CEP63: variants seen among roughly 807,000 people sequenced by gnomAD.
CEP63 encodes centrosomal protein of 63 kDa.
A neutral mutation model predicts 89.1 loss-of-function variants in CEP63; 84 were observed. The observed-to-expected ratio is 0.94, with a 90% CI of 0.79 to 1.13. The LOEUF is 1.13. Among genes scored for constraint, CEP63 ranks in the 50% most tolerant of loss-of-function variants. The pLI is 0.00. For missense variants in CEP63, 838 were observed against 813.3 expected (o/e 1.03, Z -0.37); for synonymous variants, 267 against 272.5 (o/e 0.98, Z 0.20).
chr3:134,739,541 C>T, the CEP63 span, among the ~76,000 whole-genome samples: 7 of 152,230 alleles, frequency 4.6e-5, no homozygotes, highest in Admixed American at 1.3e-4. Context: ...TGATAATGCA[C>T]TATACATACT....
the CEP63 span, among the ~76,000 whole-genome samples, chr3:134,691,310 A>G: frequency 1.3e-5 from 2 of 150,122 alleles, no homozygotes; most frequent in Admixed American, 6.6e-5. Context: ...GTGAGCTGAG[A>G]TCGTGCCATT....
chr3:134,665,351 C>T, the CEP63 span, among the ~76,000 whole-genome samples: 4 of 152,222 alleles, frequency 2.6e-5, no homozygotes, highest in Admixed American at 2.6e-4. Context: ...TGAGGCCAGG[C>T]TTCTGGCCCC....
At chr3:134,712,784 G>A in the CEP63 span, among the ~76,000 whole-genome samples, 3 of 152,156 alleles carry the variant, frequency 2.0e-5, no homozygotes, top group Admixed American at 6.5e-5. Flanking sequence ...TTTCTGGGGG[G>A]AACTCAAATT....
At chr3:134,744,100 A>G in the CEP63 span, among the ~76,000 whole-genome samples, 14 of 152,120 alleles carry the variant, frequency 9.2e-5, no homozygotes, top group Non-Finnish European at 1.6e-4. Context: ...CAGAATCCCA[A>G]TGGGAAATAA....
the CEP63 span, among the ~76,000 whole-genome samples, chr3:134,611,016 C>T: frequency 6.6e-6 from 1 of 152,196 alleles, no homozygotes; most frequent in African/African-American, 2.4e-5. Flanking sequence ...GAGGACTGGC[C>T]AGCTGCCAGT....
intron 1 of CEP63, among the ~76,000 whole-genome samples, chr3:134,491,988 G>C (rs980317701): frequency 4.6e-5 from 7 of 151,862 alleles, no homozygotes; most frequent in Middle Eastern, 3.2e-3. Context: ...TTAAATTAGA[G>C]GCCTGAAGTG....
chr3:134,615,138 C>G, the CEP63 span: 4 of 152,252 alleles, frequency 2.6e-5, no homozygotes, highest in African/African-American at 9.7e-5. Flanking sequence ...ACTACCCTTA[C>G]AGCTACGTCA....
At chr3:134,616,420 A>G in the CEP63 span, among the ~76,000 whole-genome samples, 1 of 152,254 alleles carries the variant, frequency 6.6e-6, no homozygotes, top group Non-Finnish European at 1.5e-5. Flanking sequence ...TGCGGATTAT[A>G]TGTCCTCAGT....
downstream of CEP63, among the ~76,000 whole-genome samples, chr3:134,566,811 C>A (rs148790963): frequency 3.9e-5 from 6 of 152,250 alleles, no homozygotes; most frequent in African/African-American, 1.4e-4. Context: ...AATTGGAACA[C>A]TCATATGTTG....
At chr3:134,491,338 C>A (rs1241343869) in intron 1 of CEP63, among the ~76,000 whole-genome samples, 1 of 152,132 alleles carries the variant, frequency 6.6e-6, no homozygotes. Flanking sequence ...AACATCTTTT[C>A]ATATTTTTAC....
rs1368403499 is a variant in CEP63, at chr3:134,522,739, G to A, written c.223-9106G>A. Among the ~76,000 whole-genome samples, 5 of 151,920 alleles carry A rather than the reference G, an allele frequency of 3.3e-5. No homozygotes were observed. The South Asian group carries it at 6.2e-4, about 19-fold the overall frequency. On this transcript the variant is annotated intron_variant, in intron 3 of 14. Transcript: ENST00000675561. Reference sequence around the variant, plus strand: ...TTGGTTTTCTGTTCCTGCAAAAGACGTGATCTCATTCTTTTTTATGGCTGC... The same window carrying A: ...TTGGTTTTCTGTTCCTGCAAAAGACATGATCTCATTCTTTTTTATGGCTGC...
chr3:134,756,826 A>T, the CEP63 span, among the ~76,000 whole-genome samples: 1 of 152,176 alleles, frequency 6.6e-6, no homozygotes, highest in Non-Finnish European at 1.5e-5. Flanking sequence ...GACTCCAGGG[A>T]TGGGGGCACC....
chr3:134,604,739 G>A, the CEP63 span, among the ~76,000 whole-genome samples: 1 of 152,146 alleles, frequency 6.6e-6, no homozygotes, highest in African/African-American at 2.4e-5. Flanking sequence ...AAAGCTAAGG[G>A]GCCTCTAGAA....
the CEP63 span, among the ~76,000 whole-genome samples, chr3:134,718,327 A>C: frequency 6.6e-6 from 1 of 152,238 alleles, no homozygotes; most frequent in African/African-American, 2.4e-5. Flanking sequence ...TAATGAAGCC[A>C]ACATAGAGAA....
At chr3:134,505,038 A>G (rs978605783) in intron 2 of CEP63, among the ~76,000 whole-genome samples, 1 of 152,052 alleles carries the variant, frequency 6.6e-6, no homozygotes, top group Non-Finnish European at 1.5e-5. Flanking sequence ...TATTTTTATT[A>G]TCTGTGTTTT....
chr3:134,654,948 C>G, the CEP63 span, among the ~76,000 whole-genome samples: 1 of 152,182 alleles, frequency 6.6e-6, no homozygotes, highest in Non-Finnish European at 1.5e-5. Context: ...TTGTCCCACA[C>G]CCACCAAATT....
the CEP63 span, among the ~76,000 whole-genome samples, chr3:134,713,240 C>T: frequency 6.6e-6 from 1 of 152,204 alleles, no homozygotes; most frequent in Non-Finnish European, 1.5e-5. Context: ...TTTGTGTCTA[C>T]ACCTCCACTA....
the CEP63 span, among the ~76,000 whole-genome samples, chr3:134,771,522 A>G: frequency 6.6e-6 from 1 of 151,730 alleles, no homozygotes; most frequent in African/African-American, 2.4e-5. Context: ...GTGGGGCCTG[A>G]TAATTTGCAT....
At chr3:134,777,903 C>G in the CEP63 span, among the ~76,000 whole-genome samples, 1 of 151,702 alleles carries the variant, frequency 6.6e-6, no homozygotes, top group Non-Finnish European at 1.5e-5. Context: ...ATGTGAGCCA[C>G]CGCGCCCGGC....
Sources: gnomAD v4.1 joint callset for allele counts (sites outside exome capture counted in the v4.1 genomes callset) on GRCh38, gnomAD v4.1.1 for gene constraint, MANE v1.5 for transcripts, NCBI Gene and HGNC (gene_info 2026-07-23, HGNC 2026-07-21) for gene names.